The following ATG13 variants were observed in gnomAD, a reference collection of about 807,000 sequenced individuals.
ATG13 encodes autophagy related 13.
Under a neutral mutation model 65.5 loss-of-function variants are expected in ATG13, and 23 were observed. That is an observed-to-expected ratio of 0.35 (90% CI 0.25 to 0.50). ATG13 has a LOEUF of 0.50. Ranked by LOEUF, ATG13 falls within the 20% of genes least tolerant of loss-of-function variation. The pLI, the probability that ATG13 is intolerant of heterozygous loss-of-function variation, is 0.98. For synonymous variants in ATG13, 252 were observed against 245.2 expected (o/e 1.03, Z -0.26); for missense variants, 566 against 677.0 (o/e 0.84, Z 1.82).
chr11:46,634,786 C>T (rs1056786250), intron 2 of ATG13, among the ~76,000 whole-genome samples: 1 of 152,278 alleles, frequency 6.6e-6, no homozygotes, highest in African/African-American at 2.4e-5. Context: ...ACTGCAACCT[C>T]TGCCTCCTGG....
At chr11:46,622,110 TATATATATATATA>T (rs2047830505) in intron 1 of ATG13, among the ~76,000 whole-genome samples, 1 of 93,778 alleles carries the variant, frequency 1.1e-5, no homozygotes, top group African/African-American at 4.2e-5. Flanking sequence ...TATATATATA[TATATATATATATA>T]TATATTTATT....
chr11:46,623,835 A>G (rs1227759323), intron 1 of ATG13, among the ~76,000 whole-genome samples: 1 of 152,028 alleles, frequency 6.6e-6, no homozygotes, highest in Non-Finnish European at 1.5e-5. Flanking sequence ...TTAGATTTGC[A>G]CATTGTTCAC....
At chr11:46,639,000 T>A (rs7126316) in intron 2 of ATG13, among the ~76,000 whole-genome samples, 21,225 of 150,816 alleles carry the variant, frequency 0.14, 1,542 homozygotes, top group Non-Finnish European at 0.17. Context: ...TTATTTATTT[T>A]TTTTTGAGAA....
At chr11:46,665,080 C>T in intron 13 of ATG13, 121 bp downstream of exon 13, 1 of 1,041,300 alleles carries the variant, frequency 9.6e-7, no homozygotes, top group East Asian at 2.4e-5. Flanking sequence ...AAGCAAAACT[C>T]TTTCGTGACT....
At chr11:46,663,971 C>CTTTTTTTTT in intron 11 of ATG13, 26 bp from the exon 12 acceptor site, 1 of 974,230 alleles carries the variant, frequency 1.0e-6, no homozygotes, top group Non-Finnish European at 1.5e-6. Flanking sequence ...TTTGTTTCTC[C>CTTTTTTTTT]TGTCTCTGTG....
At chr11:46,636,055 G>A (rs796623520) in intron 2 of ATG13, among the ~76,000 whole-genome samples, 86 of 151,808 alleles carry the variant, frequency 5.7e-4, no homozygotes, top group African/African-American at 2.1e-3. Context: ...TCTGAAGTGG[G>A]TATATGTTTC....
intron 1 of ATG13, chr11:46,625,169 A>G (rs1187718918): frequency 6.6e-6 from 1 of 151,822 alleles, no homozygotes; most frequent in Non-Finnish European, 1.5e-5. Flanking sequence ...TGCTACCAAA[A>G]AAAAAAAAGA....
At chr11:46,654,564 TAAAA>T (rs1179804756) in intron 7 of ATG13, among the ~76,000 whole-genome samples, 1 of 146,954 alleles carries the variant, frequency 6.8e-6, no homozygotes, top group Non-Finnish European at 1.5e-5. Context: ...ATACTAGAAA[TAAAA>T]AAACTTAGCT....
Position 46,627,174 on chromosome 11 carries a change from G to GT in ATG13, c.-69-2868dup, listed in dbSNP as rs1390903824. On this transcript the variant is annotated intron_variant, in intron 1 of 18. Transcript: ENST00000683050. ...AGTGGGCAGATACCTGAGGTCAGGA[G>GT]TTTGAGTCCAGTCTGGCCAACATGA... is the stretch of plus-strand genomic sequence containing the variant. Among the ~76,000 whole-genome samples the GT allele has an allele frequency of 3.9e-5, 6 of 152,300 alleles. No homozygotes were observed. In the East Asian group the frequency reaches 1.2e-3, roughly 29 times the overall value.
intron 1 of ATG13, among the ~76,000 whole-genome samples, chr11:46,626,146 AG>A (rs900433182): frequency 3.0e-4 from 46 of 152,186 alleles, no homozygotes; most frequent in African/African-American, 1.0e-3. Flanking sequence ...TAGTAGAGAC[AG>A]GGTTTCACCA....
chr11:46,658,638 C>T (rs117292501), intron 10 of ATG13, among the ~76,000 whole-genome samples: 1 of 151,178 alleles, frequency 6.6e-6, no homozygotes, highest in Admixed American at 6.6e-5. Context: ...TGGGTTCAAA[C>T]AGTTCTCCTG....
chr11:46,662,360 G>A (rs752348016), intron 11 of ATG13, among the ~76,000 whole-genome samples: 13 of 152,190 alleles, frequency 8.5e-5, no homozygotes, highest in Non-Finnish European at 1.6e-4. Context: ...GGGATGGTGA[G>A]ACTAGGCCTT....
At position 46,665,107 on chromosome 11, in the gene ATG13, A is replaced by G. The variant is rs563730693; in HGVS notation, c.999+148A>G. On this transcript the variant is annotated intron_variant, in intron 13 of 18. Coordinates refer to ENST00000683050, the MANE Select transcript of ATG13 (RefSeq NM_001346311.2). The stretch of plus-strand genomic sequence containing the variant: ...TTCGTGACTTCAGAGACCAAAAGTG[A>G]CTCGAGAGGAAGGAGCCTCTTAGAC... 4.4e-5 allele frequency: 39 copies of G among 885,090 alleles called. No homozygotes were observed. The East Asian group carries it at 9.3e-4, about 21-fold the overall frequency. 54.8% of individuals were successfully genotyped at this position (885,090 alleles called of 1,614,324 possible).
Position 46,672,469 on chromosome 11 carries a change from A to G in ATG13, c.*137A>G. 2.6e-6 allele frequency: 4 copies of G among 1,544,188 alleles called. No homozygotes were observed. Among genetic ancestry groups the G allele is most frequent in the Middle Eastern group, 3.9e-4 (2 of 5,136 alleles). Reference sequence around the variant, plus strand: ...AGGCTGGCTTCTCCCATGGGGACCCAGAAGTCCCTACTCTTGGACCTCCTG... The same window carrying G: ...AGGCTGGCTTCTCCCATGGGGACCCGGAAGTCCCTACTCTTGGACCTCCTG... On this transcript the variant is annotated 3_prime_UTR_variant, in exon 19 of 19. Coordinates refer to ENST00000683050, the MANE Select transcript of ATG13 (RefSeq NM_001346311.2).
chr11:46,664,602 T>TA (rs1565604559), intron 12 of ATG13, among the ~76,000 whole-genome samples: 2 of 152,168 alleles, frequency 1.3e-5, no homozygotes, highest in East Asian at 1.9e-4. Context: ...GCAAGGAACT[T>TA]ATTTGAGGCC....
rs1202453227 is a variant in ATG13 at position 46,672,714 on chromosome 11, A to AT, written c.*382_*383insT. 13 of 1,360,764 alleles carry AT rather than the reference A, an allele frequency of 9.6e-6. No homozygotes were observed. The highest frequency in any genetic ancestry group is 1.5e-5 in the African/African-American group (1 of 68,098). 84.3% of individuals were successfully genotyped at this position (1,360,764 alleles called of 1,614,324 possible). On this transcript the variant is annotated 3_prime_UTR_variant, in exon 19 of 19. Transcript: ENST00000683050. The stretch of plus-strand genomic sequence containing the variant: ...GCTGGCCCCTTCCCTGCCTGCTGTC[A>AT]CCATCCACTGTTTGACATTCCAGCT...
intron 1 of ATG13, chr11:46,625,266 T>G (rs1394002422): frequency 1.4e-5 from 2 of 143,586 alleles, no homozygotes; most frequent in African/African-American, 5.4e-5. Context: ...TAGCTTGCTC[T>G]TTCTTTTTTT....
rs529617310 is a variant in ATG13, at chr11:46,661,923, T to A, written c.790-2074T>A. ...TGATGTTGTAGAATCCATGGATCACTATTGTTTCTATTGTCCTAGTTTGTT... is the reference window on the plus strand; with the variant it reads ...TGATGTTGTAGAATCCATGGATCACAATTGTTTCTATTGTCCTAGTTTGTT... On this transcript the variant is annotated intron_variant, in intron 11 of 18. Coordinates refer to ENST00000683050, the MANE Select transcript of ATG13 (RefSeq NM_001346311.2). Among the ~76,000 whole-genome samples, 3 of 152,340 alleles carry A rather than the reference T, an allele frequency of 2.0e-5. No individual in the cohort carries two copies. The South Asian group carries it at 6.2e-4, about 32-fold the overall frequency.
chr11:46,618,545 C>A (rs1025134790), intron 1 of ATG13, among the ~76,000 whole-genome samples: 4 of 152,190 alleles, frequency 2.6e-5, no homozygotes, highest in African/African-American at 9.6e-5. Flanking sequence ...TAAAAAATTA[C>A]CTATTTTCTC....
Sources: allele counts gnomAD v4.1 joint callset (sites outside exome capture counted in the v4.1 genomes callset), GRCh38; gene constraint gnomAD v4.1.1; transcripts MANE v1.5; gene names NCBI Gene and HGNC (gene_info 2026-07-23, HGNC 2026-07-21).